Variants in SMARCA2 observed in about 807,000 individuals in gnomAD.
SMARCA2 encodes SWI/SNF-related matrix-associated actin-dependent regulator of chromatin subfamily A member 2.
A neutral mutation model predicts 199.8 loss-of-function variants in SMARCA2; 61 were observed. That is an observed-to-expected ratio of 0.31 (90% CI 0.25 to 0.38). The LOEUF (loss-of-function observed/expected upper bound fraction) is 0.38. SMARCA2 is among the 10% of genes least tolerant of loss of function. SMARCA2 has a pLI of 1.00. For missense variants in SMARCA2, 1,344 were observed against 2,012.2 expected, an observed-to-expected ratio of 0.67 and a Z score of 6.35; for synonymous variants, 935 against 732.0, an observed-to-expected ratio of 1.28 and a Z score of -4.48.
chr9:2,020,734 T>C (rs114969944), intron 1 of SMARCA2, among the ~76,000 whole-genome samples: 2,223 of 152,326 alleles, frequency 0.015, 57 homozygotes, highest in African/African-American at 0.046. Flanking sequence ...GTAAAAGTTA[T>C]AAATATATCG....
intron 32 of SMARCA2, among the ~76,000 whole-genome samples, chr9:2,188,702 A>G (rs1312225880): frequency 6.6e-6 from 1 of 152,188 alleles, no homozygotes; most frequent in African/African-American, 2.4e-5. Flanking sequence ...ACACAAACTT[A>G]TTACCTCTTG....
chr9:2,029,114 C>A lies in SMARCA2; in HGVS notation c.92C>A (p.Pro31Gln). Residue 31 changes from proline (P) to glutamine (Q), a missense_variant, in exon 2 of 34, where the codon CCA becomes CAA. By Grantham distance (76) the Pro-to-Gln change is moderately conservative. Coordinates refer to ENST00000349721, the MANE Select transcript of SMARCA2 (RefSeq NM_003070.5). ...CCTGGGCCAATTCTTGGGCCTAGTC[C>A]AGGACCAGGACCATCCCCAGGTTCC... ...PSPGPILGPS[P>Q]GPGPSPGSVH... The A allele has an allele frequency of 6.2e-7, 1 of 1,601,938 alleles. No individual in the cohort carries two copies. The highest frequency in any genetic ancestry group is 2.2e-5 in the East Asian group (1 of 44,472).
chr9:2,166,882 C>T (rs1273210841), intron 28 of SMARCA2, among the ~76,000 whole-genome samples: 5 of 152,310 alleles, frequency 3.3e-5, no homozygotes, highest in African/African-American at 1.2e-4. Flanking sequence ...CTAGCCTTTC[C>T]AATCTATCAC....
At position 2,077,910 on chromosome 9, in the gene SMARCA2, C is replaced by G. The variant is rs552344956; in HGVS notation, c.2184+134C>G. ...CACATCACTTATAATACTGAGGTTC[C>G]TTTCATTGTGCCTATGATTCTTCTT... On this transcript the variant is annotated intron_variant, in intron 14 of 33. Transcript: ENST00000349721. 3.0e-4 allele frequency: 223 copies of G among 740,864 alleles called. 4 individuals are homozygous for G. In the South Asian group the frequency reaches 4.0e-3, roughly 13 times the overall value. 45.9% of individuals were successfully genotyped at this position (740,864 alleles called of 1,614,324 possible).
intron 26 of SMARCA2, among the ~76,000 whole-genome samples, chr9:2,120,125 GT>G (rs1351112360): frequency 2.0e-5 from 3 of 152,218 alleles, no homozygotes; most frequent in Non-Finnish European, 4.4e-5. Context: ...GTGCATAAAG[GT>G]GTAGCCTTCA....
intron 5 of SMARCA2, among the ~76,000 whole-genome samples, chr9:2,052,355 C>G (rs766197423): frequency 3.3e-5 from 5 of 152,114 alleles, no homozygotes; most frequent in Non-Finnish European, 7.4e-5. Context: ...GTGCCTATAG[C>G]CCCAGCTACA....
At position 2,169,751 on chromosome 9, in the gene SMARCA2, C is replaced by T. The variant is rs146424712; in HGVS notation, c.4200-668C>T. 6.6e-6 allele frequency among the ~76,000 whole-genome samples: 1 copy of T among 152,148 alleles called. No homozygotes were observed. The highest frequency in any genetic ancestry group is 1.5e-5 in the Non-Finnish European group (1 of 68,044). ...TTCCCTGCCACCACAAAAAGGGACA[C>T]CAACCTAGCAGTTTCAAAAATCCTC... is the stretch of plus-strand genomic sequence containing the variant. On this transcript the variant is annotated intron_variant, in intron 28 of 33. Transcript: ENST00000349721. The surrounding 1 kb of genome is among the most constrained non-coding windows in gnomAD (Gnocchi z 6.5).
At chr9:2,122,635 A>G (rs1375680873) in intron 26 of SMARCA2, among the ~76,000 whole-genome samples, 1 of 152,242 alleles carries the variant, frequency 6.6e-6, no homozygotes, top group Non-Finnish European at 1.5e-5. Flanking sequence ...CACTAATTTT[A>G]AAATAGGTTC....
intron 19 of SMARCA2, among the ~76,000 whole-genome samples, chr9:2,090,597 A>C (rs1160949276): frequency 1.3e-5 from 2 of 152,230 alleles, no homozygotes; most frequent in Admixed American, 1.3e-4. Flanking sequence ...CATGCCAGGC[A>C]CATGGTGGGC....
intron 27 of SMARCA2, among the ~76,000 whole-genome samples, chr9:2,134,382 C>T (rs759308127): frequency 3.3e-5 from 5 of 152,192 alleles, no homozygotes; most frequent in African/African-American, 9.6e-5. Context: ...AACCCAAACT[C>T]GCTCGGCCAT....
intron 14 of SMARCA2, 141 bp downstream of exon 14, chr9:2,077,917 T>A: frequency 1.4e-6 from 1 of 714,080 alleles, no homozygotes. Flanking sequence ...TTCCTTTCAT[T>A]GTGCCTATGA....
intron 4 of SMARCA2, among the ~76,000 whole-genome samples, chr9:2,046,810 T>C (rs1017873796): frequency 6.6e-6 from 1 of 152,102 alleles, no homozygotes; most frequent in African/African-American, 2.4e-5. Flanking sequence ...TTCTGAACTC[T>C]CAATGCACCT....
chr9:2,021,491 G>A (rs992848236), intron 1 of SMARCA2, among the ~76,000 whole-genome samples: 12 of 152,254 alleles, frequency 7.9e-5, no homozygotes, highest in Middle Eastern at 3.4e-3. Flanking sequence ...ACTTGATGTG[G>A]TATATTTCAG....
At chr9:2,067,793 T>TA (rs1820909822) in intron 9 of SMARCA2, among the ~76,000 whole-genome samples, 1 of 152,248 alleles carries the variant, frequency 6.6e-6, no homozygotes, top group Admixed American at 6.5e-5. Context: ...AATAGAACTT[T>TA]AAAAAATAGT....
intron 28 of SMARCA2, among the ~76,000 whole-genome samples, chr9:2,162,229 T>C (rs1825717543): frequency 6.7e-6 from 1 of 148,972 alleles, no homozygotes. Context: ...ATTGGAATGA[T>C]GGAGTAATAT....
intron 15 of SMARCA2, among the ~76,000 whole-genome samples, chr9:2,082,815 T>C (rs1821626783): frequency 6.6e-6 from 1 of 152,230 alleles, no homozygotes; most frequent in African/African-American, 2.4e-5. Context: ...GTATGAATTA[T>C]CTGTATCTGT....
intron 32 of SMARCA2, among the ~76,000 whole-genome samples, chr9:2,189,585 C>G (rs1002576629): frequency 5.3e-5 from 8 of 152,038 alleles, no homozygotes; most frequent in African/African-American, 1.9e-4. Context: ...TTTCGACGTC[C>G]TACATCTTTC....
At position 2,084,185 on chromosome 9, in the gene SMARCA2, A is replaced by G; in HGVS notation, c.2515A>G (p.Ile839Val). 6.4e-7 allele frequency: 1 copy of G among 1,565,768 alleles called. No individual in the cohort carries two copies. The highest frequency in any genetic ancestry group is 8.8e-7 in the Non-Finnish European group (1 of 1,137,116). Reference protein sequence around the residue: ...TYEYIIKDKHILAKIRWKYMI... With the variant: ...TYEYIIKDKHVLAKIRWKYMI... ...TGAGTATATTATAAAAGACAAGCAC[A>G]TTCTTGCAAAGGTATGTTTTTAAAA... The change falls in exon 17 of 34, where the codon ATT (isoleucine) becomes GTT (valine). Residue 839 changes from isoleucine to valine, a missense_variant. Transcript: ENST00000349721.
At chr9:2,145,556 G>C (rs1272742826) in intron 27 of SMARCA2, among the ~76,000 whole-genome samples, 1 of 152,176 alleles carries the variant, frequency 6.6e-6, no homozygotes, top group Non-Finnish European at 1.5e-5. Flanking sequence ...CAGTAAAGGG[G>C]AGGTGAGGAA....
Sources: allele counts gnomAD v4.1 joint callset (sites outside exome capture counted in the v4.1 genomes callset), GRCh38; gene constraint gnomAD v4.1.1; non-coding constraint Gnocchi (gnomAD v3.1); transcripts MANE v1.5; gene names NCBI Gene and HGNC (gene_info 2026-07-23, HGNC 2026-07-21).